The following FLNA variants were observed in gnomAD, a reference collection of about 807,000 sequenced individuals.
FLNA encodes the protein filamin A, also known as filamin-A.
A neutral mutation model predicts 157.6 loss-of-function variants in FLNA; 7 were observed. The observed-to-expected ratio is 0.04, with a 90% CI of 0.03 to 0.08. The LOEUF (loss-of-function observed/expected upper bound fraction) is 0.08, where lower values mean the gene tolerates loss of function less well. Among genes scored for constraint, FLNA ranks in the 10% least tolerant of loss-of-function variants. The pLI, the probability that FLNA is intolerant of heterozygous loss-of-function variation, is 1.00. For missense variants in FLNA, 1,750 were observed against 2,398.4 expected (o/e 0.73, Z 5.65); for synonymous variants, 1,103 against 1,060.8 (o/e 1.04, Z -0.77).
chrX:154,354,851 C>A lies in FLNA; in HGVS notation c.5191G>T (p.Val1731Leu), dbSNP rs1557176587. 1.7e-6 allele frequency: 2 copies of A among 1,210,960 alleles called. No individual in the cohort carries two copies. Among genetic ancestry groups the A allele is most frequent in the Non-Finnish European group, 2.2e-6 (2 of 895,454 alleles). The change falls in exon 31 of 48, where the codon GTG becomes TTG. Residue 1731 changes from valine (V) to leucine (L), a missense_variant. Around this residue, in one of 5 missense-constraint regions of FLNA, gnomAD observed 970 missense variants for 1,302.6 expected, o/e 0.74. Transcript: ENST00000369850. ...GTCACTTGGAAGGGGCTGTTGGGCA[C>A]GTGCTCGCCACCAAAGCGCACACAG... ...VICVRFGGEH[V>L]PNSPFQVTAL...
intron 2 of FLNA, among the ~76,000 whole-genome samples, chrX:154,368,750 G>C (rs2067782099): frequency 8.8e-6 from 1 of 113,142 alleles, no homozygotes; most frequent in Admixed American, 9.2e-5. Flanking sequence ...GCCTAGCCAG[G>C]GGAGGGGCCC....
At chrX:154,354,517 A>G in intron 32 of FLNA, 34 bp from the exon 33 acceptor site, 1 of 1,183,624 alleles carries the variant, frequency 8.4e-7, no homozygotes, top group Non-Finnish European at 1.1e-6. Context: ...GGTGAGGGAC[A>G]GTGGGAGGAT....
chrX:154,357,399 C>G, intron 29 of FLNA, 35 bp downstream of exon 29: 1 of 1,201,378 alleles, frequency 8.3e-7, no homozygotes, highest in Non-Finnish European at 1.1e-6. Context: ...AGCCCCGTGC[C>G]GAGCGCCGCA....
Position 154,348,823 on chromosome X carries a change from G to A in FLNA, c.*26C>T, listed in dbSNP as rs782810608. The A allele has an allele frequency of 2.5e-6, 3 of 1,178,145 alleles. No individual in the cohort carries two copies. The highest frequency in any genetic ancestry group is 3.5e-5 in the African/African-American group (2 of 56,719). ...CTTGGGTAGCGGGGCAGGCTTGGGG[G>A]CTGCCGGCTGGCACGGGCCCCAGAC... On this transcript the variant is annotated 3_prime_UTR_variant, in exon 48 of 48. Transcript: ENST00000369850.
intron 44 of FLNA, 144 bp from the exon 45 acceptor site, chrX:154,350,351 C>T (rs782464488): frequency 2.3e-5 from 12 of 515,538 alleles, no homozygotes; most frequent in African/African-American, 4.6e-5. Context: ...ACCTGCACCC[C>T]GCAGCAGACC....
At chrX:154,355,209 G>A (rs997195608) in intron 30 of FLNA, 137 bp from the exon 31 acceptor site, 12 of 649,503 alleles carry the variant, frequency 1.8e-5, no homozygotes, top group Middle Eastern at 5.1e-4. Context: ...CTCCTGCCCC[G>A]CCCTGCCCCT....
At chrX:154,369,958 A>G (rs1425052730) in intron 2 of FLNA, among the ~76,000 whole-genome samples, 1 of 111,592 alleles carries the variant, frequency 9.0e-6, no homozygotes, top group Non-Finnish European at 1.9e-5. Flanking sequence ...AAGACTCATC[A>G]TCCCTCTCCT....
rs2067799879 is a variant in FLNA at position 154,370,752 on chromosome X, G to A, written c.373+121C>T. ...AGGCCCGCGTGGAGCAGAGCAGCCG[G>A]AGGCCTCGGGAGTTGCGCTGCGGCC... is the stretch of plus-strand genomic sequence containing the variant. On this transcript the variant is annotated intron_variant, in intron 2 of 47. Coordinates refer to ENST00000369850, the MANE Select transcript of FLNA (RefSeq NM_001110556.2). 5.2e-6 allele frequency: 4 copies of A among 776,012 alleles called. No homozygotes were observed. In the Admixed American group the frequency reaches 8.9e-5, roughly 17 times the overall value. 64.0% of individuals were successfully genotyped at this position (776,012 alleles called of 1,213,427 possible). A position where few individuals can be genotyped will look rare whatever the true frequency, so the allele number is the denominator to read the frequency against.
intron 30 of FLNA, 123 bp from the exon 31 acceptor site, chrX:154,355,195 A>G: frequency 2.6e-6 from 2 of 756,028 alleles, no homozygotes; most frequent in Non-Finnish European, 3.8e-6. Flanking sequence ...CCAGGCCGCC[A>G]GGCCTCCTGC....
intron 12 of FLNA, 29 bp from the exon 13 acceptor site, chrX:154,364,748 C>A: frequency 8.3e-7 from 1 of 1,209,234 alleles, no homozygotes. Flanking sequence ...CCCCTCAGTG[C>A]CCTGGAGCCT....
At chrX:154,371,849 G>C (rs1045110821) in intron 1 of FLNA, among the ~76,000 whole-genome samples, 8 of 113,502 alleles carry the variant, frequency 7.0e-5, no homozygotes, top group Non-Finnish European at 1.5e-4. Flanking sequence ...CCCGTCCGCC[G>C]GCCCGGCAGC....
At chrX:154,356,234 T>C (rs782766594) in intron 30 of FLNA, among the ~76,000 whole-genome samples, 39 of 112,261 alleles carry the variant, frequency 3.5e-4, no homozygotes, top group African/African-American at 1.1e-3. Context: ...GTATGCCTCC[T>C]AATTTGGCTC....
At chrX:154,356,808 G>A (rs2067666652) in intron 30 of FLNA, among the ~76,000 whole-genome samples, 1 of 112,661 alleles carries the variant, frequency 8.9e-6, no homozygotes, top group Non-Finnish European at 1.9e-5. Flanking sequence ...GGCCCGGGAC[G>A]CAGAGGCCCC....
At chrX:154,371,489 T>G in intron 1 of FLNA, 128 bp from the exon 2 acceptor site, 2 of 387,356 alleles carry the variant, frequency 5.2e-6, no homozygotes, top group Admixed American at 4.6e-5. Context: ...CCCGTTGGAA[T>G]GCCCCCACTA....
chrX:154,370,733 G>A, intron 2 of FLNA, 140 bp downstream of exon 2: 1 of 675,050 alleles, frequency 1.5e-6, no homozygotes, highest in Admixed American at 3.5e-5. Context: ...CTGCAGGCCC[G>A]CGTGGAGCAG....
intron 30 of FLNA, among the ~76,000 whole-genome samples, chrX:154,355,641 C>T (rs781822809): frequency 3.5e-5 from 4 of 113,108 alleles, no homozygotes; most frequent in East Asian, 5.6e-4. Context: ...AGCGGGGAAG[C>T]GGGAGGCAGC....
At chrX:154,356,900 C>G (rs1459389280) in intron 30 of FLNA, among the ~76,000 whole-genome samples, 1 of 112,348 alleles carries the variant, frequency 8.9e-6, no homozygotes, top group African/African-American at 3.2e-5. Context: ...TTCCCTCAGC[C>G]CACGCAGGAG....
chrX:154,371,422 T>C, intron 1 of FLNA, 61 bp from the exon 2 acceptor site: 1 of 420,076 alleles, frequency 2.4e-6, no homozygotes. Context: ...GCGGGCCTCC[T>C]GCGGGGAGGG....
At chrX:154,351,269 G>A in intron 43 of FLNA, 2 of 454,875 alleles carry the variant, frequency 4.4e-6, no homozygotes, top group South Asian at 6.3e-5. Flanking sequence ...CAGGAAGGGA[G>A]GGCTGCCCCA....
Sources: allele counts gnomAD v4.1 joint callset (sites outside exome capture counted in the v4.1 genomes callset), GRCh38; gene constraint gnomAD v4.1.1; regional missense constraint gnomAD v4.1.1; transcripts MANE v1.5; gene names NCBI Gene and HGNC (gene_info 2026-07-23, HGNC 2026-07-21).